Variants in GREB1 observed in about 807,000 individuals in gnomAD.
GREB1 encodes the protein protein GREB1.
GREB1 carries 106 observed loss-of-function variants against 200.7 expected under a neutral mutation model. The observed-to-expected ratio is 0.53, with a 90% confidence interval of 0.45 to 0.62. GREB1 has a LOEUF of 0.62. Among genes scored for constraint, GREB1 ranks in the 20% least tolerant of loss-of-function variants. The pLI, the probability that GREB1 is intolerant of heterozygous loss-of-function variation, is 0.00. For synonymous variants in GREB1, 1,132 were observed against 1,092.4 expected (o/e 1.04, Z -0.72); for missense variants, 2,243 against 2,556.8 (o/e 0.88, Z 2.65).
chr2:11,488,135 C>T (rs1672697623), intron 1 of GREB1, among the ~76,000 whole-genome samples: 1 of 152,164 alleles, frequency 6.6e-6, no homozygotes, highest in African/African-American at 2.4e-5. Flanking sequence ...GGACCAGCAT[C>T]AGTGTTGTCA....
At chr2:11,631,088 G>C (rs1684838993) in intron 26 of GREB1, among the ~76,000 whole-genome samples, 1 of 152,192 alleles carries the variant, frequency 6.6e-6, no homozygotes, top group Non-Finnish European at 1.5e-5. Flanking sequence ...AAATATGAGA[G>C]CTGGGGTTTC....
Position 11,602,542 on chromosome 2 carries a change from G to C in GREB1, c.2666G>C (p.Arg889Thr). 1 of 1,613,654 alleles carries C rather than the reference G, an allele frequency of 6.2e-7. No homozygotes were observed. Among genetic ancestry groups the C allele is most frequent in the Non-Finnish European group, 8.5e-7 (1 of 1,179,596 alleles). Residue 889 changes from arginine (R) to threonine (T), a missense_variant and splice_region_variant, in exon 17 of 33, where the codon AGG becomes ACG. Physicochemically the swap from Arg to Thr is moderately conservative, Grantham distance 71. This residue lies in a region of GREB1 where 1,178 missense variants were observed against 1,387.4 expected (regional missense o/e 0.85). Transcript: ENST00000381486. ...FEAMVTALGK[R>T]FPRLHSAVIR... ...GCCATGGTCACTGCATTAGGAAAAAGGTACTTGTTTCTCTTCTAAGTTACT... is the reference window on the plus strand; with the variant it reads ...GCCATGGTCACTGCATTAGGAAAAACGTACTTGTTTCTCTTCTAAGTTACT...
At chr2:11,528,449 A>G (rs1673957793) in intron 1 of GREB1, among the ~76,000 whole-genome samples, 2 of 152,212 alleles carry the variant, frequency 1.3e-5, no homozygotes, top group South Asian at 4.1e-4. Flanking sequence ...GGGTTAGACT[A>G]GGTGAGAGAT....
At chr2:11,552,350 A>G (rs539248614) in intron 1 of GREB1, among the ~76,000 whole-genome samples, 8 of 152,340 alleles carry the variant, frequency 5.3e-5, no homozygotes, top group Admixed American at 3.3e-4. Flanking sequence ...GCAGGGATCT[A>G]GCAAAGAGAC....
intron 13 of GREB1, among the ~76,000 whole-genome samples, chr2:11,596,882 G>A (rs1234646449): frequency 4.9e-5 from 7 of 142,218 alleles, no homozygotes; most frequent in Non-Finnish European, 3.1e-5. Context: ...TGGGGGCACC[G>A]GTGTGTACAG....
rs1054448970 is a variant in GREB1 at position 11,562,540 on chromosome 2, T to C, written c.235T>C (p.Phe79Leu). The C allele has an allele frequency of 1.2e-6, 2 of 1,602,154 alleles. No homozygotes were observed. The highest frequency in any genetic ancestry group is 1.7e-6 in the Non-Finnish European group (2 of 1,175,090). Residue 79 changes from phenylalanine to leucine, a missense_variant, in exon 3 of 33, where the codon TTC becomes CTC. Transcript: ENST00000381486. ...GGAAACAAATGGCCCCCCAAACCCTTTCCAGCTGCACCCTCTGCCTGAAGG... is the reference window on the plus strand; with the variant it reads ...GGAAACAAATGGCCCCCCAAACCCTCTCCAGCTGCACCCTCTGCCTGAAGG... ...GLETNGPPNP[F>L]QLHPLPEGCC...
intron 1 of GREB1, among the ~76,000 whole-genome samples, chr2:11,491,227 TTAA>T (rs1161996256): frequency 6.6e-5 from 10 of 152,364 alleles, no homozygotes; most frequent in African/African-American, 2.4e-4. Context: ...CAGCACTGTC[TTAA>T]TAATTTCCTT....
In GREB1 at chr2:11,552,374, C is replaced by T. The variant is rs77269708; in HGVS notation, c.-161-4080C>T. On this transcript the variant is annotated intron_variant, in intron 1 of 32. Coordinates refer to ENST00000381486, the MANE Select transcript of GREB1 (RefSeq NM_014668.4). Reference sequence around the variant, plus strand: ...TAGCAAAGAGACCACGGACAGAGAACGAGTGGTCAGGGCCAGCCCAGGGAA... The same window carrying T: ...TAGCAAAGAGACCACGGACAGAGAATGAGTGGTCAGGGCCAGCCCAGGGAA... Among the ~76,000 whole-genome samples, 32 of 152,306 alleles carry T rather than the reference C, an allele frequency of 2.1e-4. No individual in the cohort carries two copies. In the East Asian group the frequency reaches 6.2e-3, roughly 29 times the overall value.
Position 11,618,566 on chromosome 2 carries a change from T to A in GREB1, c.3691T>A (p.Ser1231Thr), listed in dbSNP as rs750609124. The A allele has an allele frequency of 1.2e-6, 2 of 1,612,944 alleles. No individual in the cohort carries two copies. Among genetic ancestry groups the A allele is most frequent in the Non-Finnish European group, 1.7e-6 (2 of 1,179,862 alleles). The change falls in exon 22 of 33, where the codon TCA (serine) becomes ACA (threonine). Residue 1231 changes from serine to threonine, a missense_variant. By Grantham distance (58) the Ser-to-Thr change is moderately conservative. Coordinates refer to ENST00000381486, the MANE Select transcript of GREB1 (RefSeq NM_014668.4). ...QLSSSSGSSS[S>T]SVAPAAGTWV... The stretch of plus-strand genomic sequence containing the variant: ...GTCCTCCTCCTCGGGCTCATCCTCC[T>A]CATCCGTGGCGCCCGCTGCCGGCAC...
chr2:11,591,930 T>TA (rs1680768461), intron 10 of GREB1: 1 of 859,308 alleles, frequency 1.2e-6, no homozygotes, highest in East Asian at 1.2e-4. Context: ...ACCCAAAGTT[T>TA]ATACTGACAA....
At chr2:11,500,819 T>A (rs1673017290) in intron 1 of GREB1, among the ~76,000 whole-genome samples, 1 of 152,132 alleles carries the variant, frequency 6.6e-6, no homozygotes, top group South Asian at 2.1e-4. Flanking sequence ...ATGGTAAGAT[T>A]CCCAACCAAC....
At chr2:11,592,195 T>C (rs563320363) in intron 10 of GREB1, 6 of 576,464 alleles carry the variant, frequency 1.0e-5, no homozygotes, top group East Asian at 2.8e-4. Flanking sequence ...TTCTTTTTTT[T>C]TTTTTTTTAA....
chr2:11,564,176 G>T (rs1242802777), intron 3 of GREB1, among the ~76,000 whole-genome samples: 2 of 152,188 alleles, frequency 1.3e-5, no homozygotes, highest in African/African-American at 4.8e-5. Context: ...GCAGAGCCAG[G>T]CTTGGAGGAG....
chr2:11,515,753 G>A (rs1472026314), intron 1 of GREB1, among the ~76,000 whole-genome samples: 1 of 152,222 alleles, frequency 6.6e-6, no homozygotes, highest in African/African-American at 2.4e-5. Context: ...AACAGGAGGT[G>A]ACAGCATATT....
chr2:11,625,704 G>A (rs1474365285), intron 24 of GREB1, among the ~76,000 whole-genome samples: 1 of 152,182 alleles, frequency 6.6e-6, no homozygotes, highest in African/African-American at 2.4e-5. Context: ...CAACATCCAT[G>A]GTGTGCTGGC....
chr2:11,582,579 C>A (rs1558581662), intron 7 of GREB1, among the ~76,000 whole-genome samples: 2 of 152,170 alleles, frequency 1.3e-5, no homozygotes, highest in South Asian at 4.1e-4. Flanking sequence ...GGCTCCCAGC[C>A]GTCCCAGGCT....
chr2:11,597,742 C>G lies in GREB1; in HGVS notation c.1955-39C>G. On this transcript the variant is annotated intron_variant, in intron 13 of 32. Transcript: ENST00000381486. This position sits in a 1 kb window ranked among gnomAD's most constrained non-coding sequence, Gnocchi z 4.1. ...CCAAGGGCCTGGCAGTAGCCGTGTG[C>G]CCTGGAGCTCACCTGGCATCCTGGG... 6.3e-7 allele frequency: 1 copy of G among 1,585,380 alleles called. No homozygotes were observed. The highest frequency in any genetic ancestry group is 8.7e-7 in the Non-Finnish European group (1 of 1,154,666).
chr2:11,623,068 T>G (rs1457320878), intron 23 of GREB1, among the ~76,000 whole-genome samples: 1 of 152,182 alleles, frequency 6.6e-6, no homozygotes, highest in Admixed American at 6.5e-5. Flanking sequence ...CATTTAAAAT[T>G]TAGTCGTGCG....
At chr2:11,598,900 T>A (rs1301466796) in intron 15 of GREB1, 40 bp downstream of exon 15, 1 of 1,536,376 alleles carries the variant, frequency 6.5e-7, no homozygotes, top group Admixed American at 1.7e-5. Flanking sequence ...ACATTTTCCT[T>A]CTTTGAAGTG....
Sources: allele counts gnomAD v4.1 joint callset (sites outside exome capture counted in the v4.1 genomes callset), GRCh38; gene constraint gnomAD v4.1.1; regional missense constraint gnomAD v4.1.1; non-coding constraint Gnocchi (gnomAD v3.1); transcripts MANE v1.5; gene names NCBI Gene and HGNC (gene_info 2026-07-23, HGNC 2026-07-21).